The following TJP1 variants were observed in gnomAD, a reference collection of about 807,000 sequenced individuals.
The protein encoded by TJP1 is tight junction protein 1, also known as tight junction protein ZO-1.
TJP1 carries 43 observed loss-of-function variants against 194.2 expected under a neutral mutation model. The ratio of observed to expected loss-of-function variants is 0.22; its 90% CI spans 0.17 to 0.29. The LOEUF (loss-of-function observed/expected upper bound fraction) is 0.29, where lower values mean the gene tolerates loss of function less well. Ranked by LOEUF, TJP1 falls within the 10% of genes least tolerant of loss-of-function variation. The pLI, the probability that TJP1 is intolerant of heterozygous loss-of-function variation, is 1.00. For missense variants in TJP1, 1,971 were observed against 2,185.7 expected, an observed-to-expected ratio of 0.90 and a Z score of 1.96; for synonymous variants, 801 against 779.0, an observed-to-expected ratio of 1.03 and a Z score of -0.47.
At chr15:29,907,759 C>T (rs2053864489) in intron 2 of TJP1, among the ~76,000 whole-genome samples, 1 of 151,970 alleles carries the variant, frequency 6.6e-6, no homozygotes, top group South Asian at 2.1e-4. Flanking sequence ...GCCTTTGTAA[C>T]CTCTTCCATT....
chr15:29,940,529 C>T (rs2055035095), intron 2 of TJP1, among the ~76,000 whole-genome samples: 1 of 152,138 alleles, frequency 6.6e-6, no homozygotes, highest in African/African-American at 2.4e-5. Context: ...GTATCTGTTT[C>T]AAGACAAATA....
chr15:29,699,636 G>A (rs891869262), downstream of TJP1: 1 of 152,180 alleles, frequency 6.6e-6, no homozygotes, highest in Admixed American at 6.5e-5. Context: ...GATGGATTCA[G>A]TCCACAAAGG....
chr15:29,742,921 C>T, intron 8 of TJP1, 140 bp from the exon 9 acceptor site: 3 of 662,234 alleles, frequency 4.5e-6, no homozygotes, highest in Non-Finnish European at 6.5e-6. Flanking sequence ...ATTGTAAAAA[C>T]CTAGTAATTA....
At chr15:29,795,193 G>C (rs188867267) in intron 2 of TJP1, among the ~76,000 whole-genome samples, 1 of 152,112 alleles carries the variant, frequency 6.6e-6, no homozygotes, top group Non-Finnish European at 1.5e-5. Context: ...GGAGGCTGAG[G>C]TGGGAGGATT....
In TJP1 at chr15:29,742,708, G is replaced by A. The variant is rs1165594975; in HGVS notation, c.1084C>T (p.His362Tyr). 6.2e-7 allele frequency: 1 copy of A among 1,608,086 alleles called. No individual in the cohort carries two copies. The highest frequency in any genetic ancestry group is 8.5e-7 in the Non-Finnish European group (1 of 1,177,626). The change falls in exon 9 of 28, where the codon CAC becomes TAC. Residue 362 changes from histidine (H) to tyrosine (Y), a missense_variant. Physicochemically the swap from His to Tyr is moderately conservative, Grantham distance 83. This residue lies in a region of TJP1 where 192 missense variants were observed against 182.3 expected (regional missense o/e 1.05). Transcript: ENST00000614355. ...VSTPVKHADD[H>Y]TPKTVEEVTV... ...ACTTCTTCCACTGTTTTAGGTGTGT[G>A]ATCATCAGCATGCTTTACAGGAGTT... is the stretch of plus-strand genomic sequence containing the variant.
chr15:29,734,844 C>T (rs2043920603), intron 11 of TJP1, among the ~76,000 whole-genome samples: 1 of 151,934 alleles, frequency 6.6e-6, no homozygotes, highest in African/African-American at 2.4e-5. Flanking sequence ...AAAGAATACA[C>T]TCTAATTTTA....
rs748414511 is a variant in TJP1 at position 29,787,994 on chromosome 15, T to TA, written c.84+12651dup. On this transcript the variant is annotated intron_variant, in intron 2 of 27. Coordinates refer to ENST00000614355, the MANE Select transcript of TJP1 (RefSeq NM_001330239.4). Reference sequence around the variant, plus strand: ...TGCCAACCTTTATTGTCTTTCTGAGTACAGCCATCCTAGTGGGTGTGAAGG... The same window carrying TA: ...TGCCAACCTTTATTGTCTTTCTGAGTAACAGCCATCCTAGTGGGTGTGAAGG... Among the ~76,000 whole-genome samples the TA allele has an allele frequency of 8.4e-4, 128 of 152,342 alleles. 1 individual carries two copies. Among genetic ancestry groups the TA allele is most frequent in the Non-Finnish European group, 1.4e-3 (93 of 68,016 alleles).
intron 2 of TJP1, among the ~76,000 whole-genome samples, chr15:29,849,460 C>T (rs1354678119): frequency 6.7e-6 from 1 of 149,120 alleles, no homozygotes; most frequent in South Asian, 2.1e-4. Flanking sequence ...AAAAAAAGAC[C>T]AGGCATGGTG....
chr15:29,822,468 C>T lies in TJP1; in HGVS notation c.-440G>A. 2.0e-6 allele frequency: 2 copies of T among 985,464 alleles called. No individual in the cohort carries two copies. Among genetic ancestry groups the T allele is most frequent in the South Asian group, 4.7e-5 (1 of 21,284 alleles). The allele number at this position is 985,464 out of a possible 1,614,324, so 61.0% of individuals were successfully genotyped here. On this transcript the variant is annotated 5_prime_UTR_variant, in exon 1 of 28. In the 5' UTR this introduces an upstream ATG that the reference lacks. Coordinates refer to ENST00000614355, the MANE Select transcript of TJP1 (RefSeq NM_001330239.4). ...GCCGGCGCCGGCAACTCAGCGGCCA[C>T]GCAAACCTGCCGGCCCGGCCCACTG...
chr15:29,864,797 T>C (rs1297483961), intron 2 of TJP1, among the ~76,000 whole-genome samples: 1 of 152,178 alleles, frequency 6.6e-6, no homozygotes, highest in Non-Finnish European at 1.5e-5. Flanking sequence ...GTCCTACAGA[T>C]CCTTTATACT....
intron 2 of TJP1, among the ~76,000 whole-genome samples, chr15:29,950,240 A>T (rs2055687620): frequency 1.5e-5 from 2 of 133,462 alleles, no homozygotes; most frequent in South Asian, 2.7e-4. Flanking sequence ...CACCACCACC[A>T]CCTCCTTCAC....
chr15:29,733,047 C>A (rs971171808), intron 13 of TJP1, 47 bp downstream of exon 13: 5 of 1,551,810 alleles, frequency 3.2e-6, no homozygotes, highest in Non-Finnish European at 4.4e-6. Flanking sequence ...AATGATCTAT[C>A]ATCATTTACT....
At chr15:29,774,296 C>G (rs575772538) in intron 2 of TJP1, among the ~76,000 whole-genome samples, 1 of 151,756 alleles carries the variant, frequency 6.6e-6, no homozygotes, top group Non-Finnish European at 1.5e-5. Context: ...CATCCCAAAG[C>G]CTATAGAAGT....
chr15:29,899,560 T>C (rs1242593028), intron 2 of TJP1, among the ~76,000 whole-genome samples: 1 of 152,182 alleles, frequency 6.6e-6, no homozygotes, highest in Admixed American at 6.5e-5. Context: ...AAGGCCTGTC[T>C]CACCAGGTGT....
chr15:29,702,743 C>A (rs2041632018), intron 27 of TJP1, among the ~76,000 whole-genome samples: 1 of 152,136 alleles, frequency 6.6e-6, no homozygotes, highest in South Asian at 2.1e-4. Flanking sequence ...AAATGGGGTA[C>A]TTGTAAATAT....
chr15:29,714,557 T>TC, intron 23 of TJP1, among the ~76,000 whole-genome samples: 1 of 132,746 alleles, frequency 7.5e-6, no homozygotes, highest in Non-Finnish European at 1.6e-5. Flanking sequence ...TTTTTTTTTT[T>TC]TGAGACAGAG....
intron 2 of TJP1, among the ~76,000 whole-genome samples, chr15:29,903,642 C>T (rs2053706175): frequency 6.6e-6 from 1 of 152,034 alleles, no homozygotes; most frequent in South Asian, 2.1e-4. Flanking sequence ...GACGGGGTTT[C>T]GCTGTGTTAG....
At chr15:29,912,988 G>C (rs1007698294) in intron 2 of TJP1, among the ~76,000 whole-genome samples, 1 of 152,170 alleles carries the variant, frequency 6.6e-6, no homozygotes, top group South Asian at 2.1e-4. Flanking sequence ...GATTAATAGA[G>C]GAGTGATAGT....
At chr15:29,785,249 T>C (rs1339283417) in intron 2 of TJP1, among the ~76,000 whole-genome samples, 2 of 152,214 alleles carry the variant, frequency 1.3e-5, no homozygotes, top group African/African-American at 4.8e-5. Context: ...TGTGTTTATA[T>C]GTCTACGCCT....
Sources: allele counts gnomAD v4.1 joint callset (sites outside exome capture counted in the v4.1 genomes callset), GRCh38; gene constraint gnomAD v4.1.1; regional missense constraint gnomAD v4.1.1; transcripts MANE v1.5; gene names NCBI Gene and HGNC (gene_info 2026-07-23, HGNC 2026-07-21).